Variants in DPP6 observed in about 807,000 individuals in gnomAD.
DPP6 encodes the protein dipeptidyl peptidase like 6.
A neutral mutation model predicts 122.6 loss-of-function variants in DPP6; 69 were observed. The observed-to-expected ratio is 0.56, with a 90% CI of 0.46 to 0.69. DPP6 has a LOEUF of 0.69. Ranked by LOEUF, DPP6 falls within the 30% of genes least tolerant of loss-of-function variation. The pLI is 0.00. For missense variants in DPP6, 928 were observed against 1,116.9 expected, an observed-to-expected ratio of 0.83 and a Z score of 2.41; for synonymous variants, 418 against 433.1, an observed-to-expected ratio of 0.97 and a Z score of 0.43.
chr7:154,192,927 T>C (rs1395686076), intron 1 of DPP6, among the ~76,000 whole-genome samples: 1 of 152,246 alleles, frequency 6.6e-6, no homozygotes, highest in African/African-American at 2.4e-5. Flanking sequence ...AGTGAGCTGA[T>C]GCTCATGCAT....
intron 1 of DPP6, among the ~76,000 whole-genome samples, chr7:154,204,592 C>T (rs752639726): frequency 8.5e-5 from 13 of 152,178 alleles, no homozygotes; most frequent in Non-Finnish European, 1.8e-4. Flanking sequence ...GGACGCTGCT[C>T]AGACCTGCGA....
At chr7:153,988,416 C>A (rs1182149914) in intron 1 of DPP6, among the ~76,000 whole-genome samples, 2 of 152,074 alleles carry the variant, frequency 1.3e-5, no homozygotes, top group East Asian at 3.9e-4. Flanking sequence ...GGTGTGGTGA[C>A]GTGTGTGTGC....
intron 1 of DPP6, among the ~76,000 whole-genome samples, chr7:154,331,313 G>T (rs559916013): frequency 6.6e-6 from 1 of 152,222 alleles, no homozygotes; most frequent in Non-Finnish European, 1.5e-5. Context: ...AGGGATGTAA[G>T]ATTTATTTTT....
intron 3 of DPP6, among the ~76,000 whole-genome samples, chr7:154,506,602 G>A (rs1400859901): frequency 1.3e-5 from 2 of 152,116 alleles, no homozygotes; most frequent in Non-Finnish European, 2.9e-5. Flanking sequence ...GTGATACTCA[G>A]TGTTTCATTA....
chr7:154,649,394 C>T (rs1836720885), intron 6 of DPP6, among the ~76,000 whole-genome samples: 1 of 152,200 alleles, frequency 6.6e-6, no homozygotes, highest in Non-Finnish European at 1.5e-5. Flanking sequence ...TGGGTGAATA[C>T]CTAGATGTAG....
the DPP6 span, among the ~76,000 whole-genome samples, chr7:153,807,214 A>G: frequency 2.0e-5 from 3 of 151,798 alleles, no homozygotes; most frequent in African/African-American, 7.3e-5. Context: ...GGAGTTCAAG[A>G]CCAGCCTGGC....
At chr7:154,802,370 G>A (rs990391177) in intron 13 of DPP6, among the ~76,000 whole-genome samples, 9 of 68,724 alleles carry the variant, frequency 1.3e-4, no homozygotes, top group African/African-American at 2.5e-4. Context: ...CCCCTGGGAT[G>A]GAATCGGGGT....
At chr7:153,934,306 T>G (rs933893906) in intron 1 of DPP6, among the ~76,000 whole-genome samples, 11 of 151,642 alleles carry the variant, frequency 7.3e-5, no homozygotes, top group Non-Finnish European at 1.3e-4. Flanking sequence ...TTCGAGGGAA[T>G]GTACTCTGCA....
chr7:153,902,245 A>T (rs547211947), intron 1 of DPP6, among the ~76,000 whole-genome samples: 2 of 152,194 alleles, frequency 1.3e-5, no homozygotes, highest in East Asian at 3.9e-4. Flanking sequence ...AAGTAAGAGG[A>T]TTTGACAGCA....
At chr7:154,179,456 G>A (rs1207883798) in intron 1 of DPP6, among the ~76,000 whole-genome samples, 2 of 152,040 alleles carry the variant, frequency 1.3e-5, no homozygotes, top group Non-Finnish European at 1.5e-5. Context: ...GCTGAATATT[G>A]ATATTCTAGG....
At chr7:154,023,359 C>CACACACACACACACACACTT in intron 1 of DPP6, among the ~76,000 whole-genome samples, 1 of 151,362 alleles carries the variant, frequency 6.6e-6, no homozygotes, top group African/African-American at 2.4e-5. Context: ...CACACACACA[C>CACACACACACACACACACTT]ACTTCTTAAG....
chr7:154,101,109 A>G (rs2150568844), intron 1 of DPP6, among the ~76,000 whole-genome samples: 1 of 136,186 alleles, frequency 7.3e-6, no homozygotes, highest in African/African-American at 2.5e-5. Context: ...CCAGTTGGAC[A>G]CTCACCAACC....
At chr7:154,330,512 G>A (rs914134213) in intron 1 of DPP6, among the ~76,000 whole-genome samples, 4 of 152,184 alleles carry the variant, frequency 2.6e-5, no homozygotes, top group African/African-American at 7.2e-5. Context: ...TCTTTGGGGC[G>A]GGCAAGCATC....
At chr7:153,971,359 A>G (rs1343005525) in intron 1 of DPP6, among the ~76,000 whole-genome samples, 2 of 151,334 alleles carry the variant, frequency 1.3e-5, no homozygotes, top group African/African-American at 2.4e-5. Flanking sequence ...ATAGCTGTTC[A>G]TTTTATCTGC....
Position 154,564,024 on chromosome 7 carries a change from T to C in DPP6, c.553-2818T>C, listed in dbSNP as rs73483855. Among the ~76,000 whole-genome samples, 1,338 of 152,006 alleles carry C rather than the reference T, an allele frequency of 8.8e-3. 20 individuals carry two copies. The highest frequency in any genetic ancestry group is 0.029 in the African/African-American group (1,205 of 41,426). ...CAAGAAAACAAGGAGAAGCACAAAA[T>C]AGCATGAAAAGAACCAGCGAGGGAG... On this transcript the variant is annotated intron_variant, in intron 4 of 25. Coordinates refer to ENST00000377770, the MANE Select transcript of DPP6 (RefSeq NM_130797.4).
chr7:154,339,970 G>A (rs1243641871), intron 1 of DPP6, among the ~76,000 whole-genome samples: 2 of 152,080 alleles, frequency 1.3e-5, no homozygotes, highest in Non-Finnish European at 2.9e-5. Context: ...CTACTCGGGA[G>A]GCTGAGGCAA....
intron 1 of DPP6, among the ~76,000 whole-genome samples, chr7:154,167,916 T>C (rs960887356): frequency 1.3e-5 from 2 of 152,208 alleles, no homozygotes; most frequent in African/African-American, 4.8e-5. Context: ...TTGTGTCTTA[T>C]CCAGGACAGA....
At chr7:154,488,245 T>C (rs1008734087) in intron 3 of DPP6, among the ~76,000 whole-genome samples, 7 of 152,002 alleles carry the variant, frequency 4.6e-5, no homozygotes, top group African/African-American at 7.2e-5. Flanking sequence ...TCCCAGCACT[T>C]TGGGAGGCCG....
At chr7:153,862,060 A>T in the DPP6 span, among the ~76,000 whole-genome samples, 3 of 152,212 alleles carry the variant, frequency 2.0e-5, no homozygotes, top group Non-Finnish European at 4.4e-5. Context: ...CATGTGGAAG[A>T]TGAGAGCCTG....
Sources: gnomAD v4.1 joint callset for allele counts (sites outside exome capture counted in the v4.1 genomes callset) on GRCh38, gnomAD v4.1.1 for gene constraint, MANE v1.5 for transcripts, NCBI Gene and HGNC (gene_info 2026-07-23, HGNC 2026-07-21) for gene names.